Variants in RASSF3 observed in about 807,000 individuals in gnomAD.
RASSF3 encodes the protein Ras association domain family member 3.
Under a neutral mutation model 19.9 loss-of-function variants are expected in RASSF3, and 19 were observed. The ratio of observed to expected loss-of-function variants is 0.96; its 90% CI spans 0.67 to 1.40. The LOEUF (loss-of-function observed/expected upper bound fraction) is 1.40, where lower values mean the gene tolerates loss of function less well. RASSF3 is among the 40% of genes most tolerant of loss of function. The pLI, the probability that RASSF3 is intolerant of heterozygous loss-of-function variation, is 0.00. For synonymous variants in RASSF3, 110 were observed against 104.2 expected (o/e 1.06, Z -0.34); for missense variants, 306 against 289.8 (o/e 1.06, Z -0.41).
chr12:64,620,968 A>G (rs1028172308), intron 1 of RASSF3, among the ~76,000 whole-genome samples: 1 of 151,990 alleles, frequency 6.6e-6, no homozygotes, highest in African/African-American at 2.4e-5. Context: ...GTGGAGTTTT[A>G]CTCGTCACCC....
intron 2 of RASSF3, among the ~76,000 whole-genome samples, chr12:64,586,936 A>C (rs1869814774): frequency 6.6e-6 from 1 of 152,126 alleles, no homozygotes. Flanking sequence ...AAAAAGAAAA[A>C]AGAAAAGTAA....
At chr12:64,649,925 CT>C (rs1050756812) in intron 1 of RASSF3, among the ~76,000 whole-genome samples, 19 of 152,286 alleles carry the variant, frequency 1.2e-4, no homozygotes, top group African/African-American at 4.6e-4. Context: ...CCCAGTTTTC[CT>C]TTTTCCCACA....
intron 3 of RASSF3, 38 bp from the exon 4 acceptor site, chr12:64,691,432 T>C (rs777155958): frequency 1.4e-5 from 19 of 1,397,702 alleles, no homozygotes. Flanking sequence ...CAGGAATGGC[T>C]GAATACTCTG....
At chr12:64,647,253 A>T (rs969010800) in intron 1 of RASSF3, among the ~76,000 whole-genome samples, 8 of 149,040 alleles carry the variant, frequency 5.4e-5, no homozygotes, top group African/African-American at 1.8e-4. Context: ...TTATTTATTT[A>T]TTTTATTTTT....
intron 2 of RASSF3, among the ~76,000 whole-genome samples, chr12:64,596,175 C>G (rs1233507756): frequency 6.6e-6 from 1 of 152,224 alleles, no homozygotes; most frequent in Non-Finnish European, 1.5e-5. Flanking sequence ...TTACATGGCT[C>G]TCTGTGCTTT....
At chr12:64,524,376 C>T (rs568971585) in intron 1 of RASSF3, among the ~76,000 whole-genome samples, 121 of 151,998 alleles carry the variant, frequency 8.0e-4, no homozygotes, top group Non-Finnish European at 1.4e-3. Context: ...CATGAGCCAC[C>T]GCGCCCAGCC....
intron 1 of RASSF3, among the ~76,000 whole-genome samples, chr12:64,634,101 C>G (rs1393427615): frequency 6.6e-6 from 1 of 152,124 alleles, no homozygotes; most frequent in African/African-American, 2.4e-5. Context: ...TCACTGCACT[C>G]CAGCCTGGGT....
At chr12:64,688,673 A>C (rs992450807) in intron 3 of RASSF3, among the ~76,000 whole-genome samples, 4 of 151,754 alleles carry the variant, frequency 2.6e-5, no homozygotes, top group Non-Finnish European at 5.9e-5. Flanking sequence ...GGAAGCATCC[A>C]TATGTGATTG....
chr12:64,612,037 T>G lies in RASSF3; in HGVS notation c.111+1294T>G, dbSNP rs1292044260. The stretch of plus-strand genomic sequence containing the variant: ...TTTCTAAGGCTTAAGGCCCCACTAT[T>G]TACGAGTCACTTTGAGTGGGATCTC... On this transcript the variant is annotated intron_variant, in intron 1 of 4. Transcript: ENST00000542104. 2.0e-5 allele frequency among the ~76,000 whole-genome samples: 3 copies of G among 152,234 alleles called. No homozygotes were observed. The East Asian group carries it at 5.8e-4, about 29-fold the overall frequency.
chr12:64,623,682 AC>A (rs1295517270), intron 1 of RASSF3, among the ~76,000 whole-genome samples: 2 of 151,984 alleles, frequency 1.3e-5, no homozygotes, highest in Non-Finnish European at 2.9e-5. Flanking sequence ...TCACTCTGTC[AC>A]CCAGGCTGGA....
chr12:64,653,802 C>T (rs1366998829), intron 1 of RASSF3, among the ~76,000 whole-genome samples: 1 of 152,184 alleles, frequency 6.6e-6, no homozygotes, highest in Non-Finnish European at 1.5e-5. Flanking sequence ...CCTGCCTTGG[C>T]CTCCCAAAGT....
chr12:64,688,514 T>G, intron 3 of RASSF3, 61 bp downstream of exon 3: 1 of 1,186,004 alleles, frequency 8.4e-7, no homozygotes, highest in South Asian at 1.2e-5. Flanking sequence ...CTGTTCTCAT[T>G]AGCAGAGGGA....
intron 1 of RASSF3, among the ~76,000 whole-genome samples, chr12:64,648,546 G>A (rs1025391154): frequency 1.3e-5 from 2 of 150,852 alleles, no homozygotes; most frequent in Non-Finnish European, 3.0e-5. Context: ...GATGGAGCAC[G>A]TTCCTGGCTC....
chr12:64,508,488 G>C (rs898052357), intron 1 of RASSF3, among the ~76,000 whole-genome samples: 2 of 151,320 alleles, frequency 1.3e-5, no homozygotes, highest in Non-Finnish European at 2.9e-5. Flanking sequence ...CCGTACTCCA[G>C]CCTGGGCAAC....
intron 1 of RASSF3, among the ~76,000 whole-genome samples, chr12:64,536,376 G>A (rs1186168004): frequency 1.3e-5 from 2 of 152,126 alleles, no homozygotes; most frequent in African/African-American, 4.8e-5. Flanking sequence ...GGCTGATATT[G>A]TAGAGATAAA....
upstream of RASSF3, among the ~76,000 whole-genome samples, chr12:64,607,768 T>C (rs957874533): frequency 9.9e-5 from 15 of 151,942 alleles, no homozygotes; most frequent in Admixed American, 6.6e-5. Context: ...TTTATTTATT[T>C]TTTTAAGAGA....
chr12:64,641,989 A>G (rs1214199148), intron 1 of RASSF3, among the ~76,000 whole-genome samples: 2 of 151,942 alleles, frequency 1.3e-5, no homozygotes, highest in Non-Finnish European at 2.9e-5. Context: ...TGATCCGCCT[A>G]TCTTGGCCTC....
Position 64,538,592 on chromosome 12 carries a change from T to C in RASSF3, c.68-2989T>C, listed in dbSNP as rs368068607. Among the ~76,000 whole-genome samples the C allele has an allele frequency of 5.9e-5, 9 of 152,270 alleles. No homozygotes were observed. In the East Asian group the frequency reaches 1.5e-3, roughly 26 times the overall value. ...ATTCTCATCATCATGACTATTATGCTTTATAAATAATATTGTTCTGATTAT... is the reference window on the plus strand; with the variant it reads ...ATTCTCATCATCATGACTATTATGCCTTATAAATAATATTGTTCTGATTAT... On this transcript the variant is annotated intron_variant, in intron 1 of 1. Coordinates refer to the RASSF3 transcript ENST00000636333.
At chr12:64,623,686 A>G (rs1437885459) in intron 1 of RASSF3, among the ~76,000 whole-genome samples, 1 of 152,124 alleles carries the variant, frequency 6.6e-6, no homozygotes, top group African/African-American at 2.4e-5. Flanking sequence ...TCTGTCACCC[A>G]GGCTGGAGTG....
Sources: allele counts gnomAD v4.1 joint callset (sites outside exome capture counted in the v4.1 genomes callset), GRCh38; gene constraint gnomAD v4.1.1; transcripts MANE v1.5; gene names NCBI Gene and HGNC (gene_info 2026-07-23, HGNC 2026-07-21).